Variants in TBC1D8 observed in about 807,000 individuals in gnomAD.
TBC1D8 encodes TBC1 domain family member 8, also known as BUB2-like protein 1.
TBC1D8 carries 65 observed loss-of-function variants against 118.8 expected under a neutral mutation model. That is an observed-to-expected ratio of 0.55 (90% CI 0.45 to 0.67). TBC1D8 has a LOEUF of 0.67. Ranked by LOEUF, TBC1D8 falls within the 30% of genes least tolerant of loss-of-function variation. The pLI, the probability that TBC1D8 is intolerant of heterozygous loss-of-function variation, is 0.00. For synonymous variants in TBC1D8, 566 were observed against 595.8 expected (o/e 0.95, Z 0.73); for missense variants, 1,376 against 1,471.2 (o/e 0.94, Z 1.06).
At chr2:101,125,457 T>A (rs916176494) in intron 1 of TBC1D8, among the ~76,000 whole-genome samples, 5 of 152,196 alleles carry the variant, frequency 3.3e-5, no homozygotes, top group African/African-American at 1.2e-4. Flanking sequence ...CCAGAAATTT[T>A]ATTTCCACAA....
At chr2:101,021,268 C>T (rs1680013749) in intron 17 of TBC1D8, among the ~76,000 whole-genome samples, 1 of 152,150 alleles carries the variant, frequency 6.6e-6, no homozygotes, top group African/African-American at 2.4e-5. Context: ...GTTTCTAGTG[C>T]TGAAATTTGG....
At chr2:101,023,094 G>A (rs890335251) in intron 15 of TBC1D8, among the ~76,000 whole-genome samples, 8 of 149,776 alleles carry the variant, frequency 5.3e-5, no homozygotes, top group East Asian at 2.1e-4. Context: ...GCAGTGAGCC[G>A]AGATCGCGCC....
intron 1 of TBC1D8, among the ~76,000 whole-genome samples, chr2:101,094,974 A>G (rs149006090): frequency 6.6e-6 from 1 of 152,312 alleles, no homozygotes; most frequent in East Asian, 1.9e-4. Context: ...CTTCTGCTGG[A>G]GCCATAAATC....
At chr2:101,023,656 A>G in intron 15 of TBC1D8, 1 of 424,158 alleles carries the variant, frequency 2.4e-6, no homozygotes, top group South Asian at 1.8e-5. Flanking sequence ...AAGTCTTGGG[A>G]ATAGACTGAA....
At chr2:101,044,569 CCT>C (rs1681584360) in intron 5 of TBC1D8, among the ~76,000 whole-genome samples, 1 of 152,156 alleles carries the variant, frequency 6.6e-6, no homozygotes, top group Admixed American at 6.6e-5. Flanking sequence ...TTGGTGATGA[CCT>C]GACATTCAGA....
chr2:101,038,716 T>G, intron 6 of TBC1D8, 61 bp from the exon 7 acceptor site: 5 of 1,569,114 alleles, frequency 3.2e-6, no homozygotes, highest in Non-Finnish European at 4.4e-6. Context: ...TGTTATTACA[T>G]ATGCAGAAGA....
At chr2:101,143,310 C>T (rs1289507628) in intron 1 of TBC1D8, among the ~76,000 whole-genome samples, 2 of 152,056 alleles carry the variant, frequency 1.3e-5, no homozygotes, top group African/African-American at 2.4e-5. Flanking sequence ...ATCTGCCCAC[C>T]TCGGCCTCCG....
intron 1 of TBC1D8, among the ~76,000 whole-genome samples, chr2:101,140,861 A>G (rs1182308448): frequency 6.6e-6 from 1 of 151,214 alleles, no homozygotes; most frequent in Admixed American, 6.6e-5. Context: ...CTCCGGGTTC[A>G]AGCCATTCTC....
Position 101,090,432 on chromosome 2 carries a change from G to C in TBC1D8, c.128-68C>G, listed in dbSNP as rs1675959925. On this transcript the variant is annotated intron_variant, in intron 1 of 19. Coordinates refer to ENST00000409318, the MANE Select transcript of TBC1D8 (RefSeq NM_001330348.2). The stretch of plus-strand genomic sequence containing the variant: ...CTGGCCAGCTCCTCATGCGTGTGAG[G>C]CATGTGGTCGCTGTCTGGACTCCAT... 5.2e-6 allele frequency: 8 copies of C among 1,552,990 alleles called. No homozygotes were observed. In the South Asian group the frequency reaches 8.0e-5, roughly 15 times the overall value.
chr2:101,144,517 G>A lies in TBC1D8; in HGVS notation c.127+6610C>T, dbSNP rs149999857. ...ACCCAAGAGGTGGTTCAGGGGCAGC[G>A]CCTGCAACCCCCAACAGTGATTAAA... On this transcript the variant is annotated intron_variant, in intron 1 of 19. Transcript: ENST00000409318. Among the ~76,000 whole-genome samples, 982 of 152,234 alleles carry A rather than the reference G, an allele frequency of 6.5e-3. 12 individuals carry two copies. Among genetic ancestry groups the A allele is most frequent in the African/African-American group, 0.022 (919 of 41,540 alleles).
chr2:101,143,139 T>G (rs1679183789), intron 1 of TBC1D8, among the ~76,000 whole-genome samples: 1 of 149,966 alleles, frequency 6.7e-6, no homozygotes, highest in Non-Finnish European at 1.5e-5. Context: ...CTCGGCTCAC[T>G]GCAACCTCCG....
chr2:101,146,697 A>T (rs945888858), intron 1 of TBC1D8, among the ~76,000 whole-genome samples: 2 of 152,186 alleles, frequency 1.3e-5, no homozygotes, highest in African/African-American at 4.8e-5. Context: ...CCATTACCTC[A>T]TGCAATTATC....
At chr2:101,019,964 C>T (rs1219898424) in intron 17 of TBC1D8, among the ~76,000 whole-genome samples, 5 of 150,638 alleles carry the variant, frequency 3.3e-5, no homozygotes, top group Admixed American at 2.0e-4. Context: ...CCCAGCTACT[C>T]GGGAGGCTGA....
rs1255165971 is a variant in TBC1D8 at position 101,038,590 on chromosome 2, T to C, written c.1146A>G (p.Arg382=). Residue 382 remains arginine (R), a synonymous_variant, in exon 7 of 20, where the codon AGA becomes AGG. Transcript: ENST00000409318. ...LLPHPIIVSI[R]SKVAFQFIEL... ...CAATGAACTGGAAGGCCACCTTGCT[T>C]CTGATACTGACAATGATGGGATGCG... 16 of 1,614,008 alleles carry C rather than the reference T, an allele frequency of 9.9e-6. No homozygotes were observed. In the East Asian group the frequency reaches 3.3e-4, roughly 34 times the overall value.
intron 17 of TBC1D8, 80 bp downstream of exon 17, chr2:101,021,601 A>G: frequency 1.0e-6 from 1 of 990,518 alleles, no homozygotes; most frequent in African/African-American, 1.6e-5. Flanking sequence ...TTAAAAAGAG[A>G]AGAGCTTCAG....
intron 2 of TBC1D8, among the ~76,000 whole-genome samples, chr2:101,082,106 T>C (rs759930889): frequency 2.6e-5 from 4 of 152,154 alleles, no homozygotes; most frequent in Non-Finnish European, 5.9e-5. Flanking sequence ...ACCATTGCAC[T>C]CTAGCCTGGG....
intron 5 of TBC1D8, among the ~76,000 whole-genome samples, chr2:101,043,049 A>G (rs1681478288): frequency 1.3e-5 from 2 of 152,174 alleles, no homozygotes; most frequent in Non-Finnish European, 2.9e-5. Flanking sequence ...CAATCCATGG[A>G]ATTTACTATC....
At chr2:101,040,055 C>T in intron 6 of TBC1D8, 123 bp downstream of exon 6, 2 of 1,103,332 alleles carry the variant, frequency 1.8e-6, no homozygotes, top group East Asian at 4.8e-5. Flanking sequence ...TGGAGTCATC[C>T]ATCTTTAGAT....
intron 1 of TBC1D8, among the ~76,000 whole-genome samples, chr2:101,113,275 G>A (rs530156824): frequency 6.6e-6 from 1 of 151,770 alleles, no homozygotes; most frequent in Non-Finnish European, 1.5e-5. Flanking sequence ...AAGCTTAATC[G>A]CTCATCTTGC....
Sources: gnomAD v4.1 joint callset for allele counts (sites outside exome capture counted in the v4.1 genomes callset) on GRCh38, gnomAD v4.1.1 for gene constraint, MANE v1.5 for transcripts, NCBI Gene and HGNC (gene_info 2026-07-23, HGNC 2026-07-21) for gene names.